Variants in NR3C2 observed in about 807,000 individuals in gnomAD.
NR3C2 encodes the protein nuclear receptor subfamily 3 group C member 2, also known as mineralocorticoid receptor.
NR3C2 carries 15 observed loss-of-function variants against 86.4 expected under a neutral mutation model. That is an observed-to-expected ratio of 0.17 (90% CI 0.12 to 0.27). The LOEUF (loss-of-function observed/expected upper bound fraction) is 0.27, where lower values mean the gene tolerates loss of function less well. NR3C2 is among the 10% of genes least tolerant of loss of function. The pLI is 1.00. For synonymous variants in NR3C2, 458 were observed against 450.5 expected (o/e 1.02, Z -0.21); for missense variants, 960 against 1,195.6 (o/e 0.80, Z 2.91).
chr4:148,342,131 T>C (rs1299596205), intron 2 of NR3C2, among the ~76,000 whole-genome samples: 1 of 152,122 alleles, frequency 6.6e-6, no homozygotes, highest in African/African-American at 2.4e-5. Flanking sequence ...GAGTTAATGA[T>C]ACAAAAGAAG....
At chr4:148,393,637 C>G (rs1747704955) in intron 2 of NR3C2, among the ~76,000 whole-genome samples, 1 of 152,126 alleles carries the variant, frequency 6.6e-6, no homozygotes, top group Admixed American at 6.5e-5. Context: ...CCGGTATTAC[C>G]AGGATTTCCA....
chr4:148,334,255 C>A (rs1744372684), intron 2 of NR3C2, among the ~76,000 whole-genome samples: 1 of 152,190 alleles, frequency 6.6e-6, no homozygotes, highest in Non-Finnish European at 1.5e-5. Flanking sequence ...AGAACTTACA[C>A]AAATGGACCA....
intron 2 of NR3C2, among the ~76,000 whole-genome samples, chr4:148,405,155 GAT>G (rs1748353581): frequency 1.3e-5 from 2 of 152,108 alleles, no homozygotes; most frequent in Admixed American, 6.6e-5. Context: ...GATGGAAATA[GAT>G]CATAACAATG....
At chr4:148,110,105 C>A (rs1328045337) in intron 8 of NR3C2, among the ~76,000 whole-genome samples, 1 of 152,216 alleles carries the variant, frequency 6.6e-6, no homozygotes, top group Non-Finnish European at 1.5e-5. Flanking sequence ...ACTACATTTA[C>A]TCCTAGTATC....
chr4:148,445,032 G>A (rs1376939090), upstream of NR3C2: 5 of 982,316 alleles, frequency 5.1e-6, no homozygotes, highest in Middle Eastern at 5.2e-4. Context: ...TCACGAGCGG[G>A]AGGAGGCGGC....
intron 2 of NR3C2, among the ~76,000 whole-genome samples, chr4:148,336,465 TGGATAAATGGGAACTTGGATAAATG>T (rs1744493540): frequency 6.6e-6 from 1 of 152,104 alleles, no homozygotes; most frequent in African/African-American, 2.4e-5. Flanking sequence ...TAGCCGAACT[TGGATAAATGGGAACTTGGATAAATG>T]GGATAAATGG....
At chr4:148,414,961 AAC>A (rs1490442436) in intron 2 of NR3C2, among the ~76,000 whole-genome samples, 2 of 152,242 alleles carry the variant, frequency 1.3e-5, no homozygotes, top group African/African-American at 4.8e-5. Context: ...GTATTTTTAA[AAC>A]AGTTTTTCAT....
intron 6 of NR3C2, among the ~76,000 whole-genome samples, chr4:148,147,454 A>G (rs1055335617): frequency 4.6e-5 from 7 of 152,216 alleles, no homozygotes; most frequent in African/African-American, 1.7e-4. Flanking sequence ...TGTTTGGTTC[A>G]TTTTTTCAAT....
At position 148,436,105 on chromosome 4, in the gene NR3C2, T is replaced by C; in HGVS notation, c.756A>G (p.Ala252=). The C allele has an allele frequency of 6.2e-7, 1 of 1,614,136 alleles. No individual in the cohort carries two copies. Among genetic ancestry groups the C allele is most frequent in the Admixed American group, 1.7e-5 (1 of 60,016 alleles). The stretch of plus-strand genomic sequence containing the variant: ...GAGGAGAGCCCACATTGCTAGCATG[T>C]GCAGGGCTGTGCGACCTGGAGCCTC... ...ENRGSRSHSP[A]HASNVGSPLS... Residue 252 remains alanine, a synonymous_variant, in exon 2 of 9, where the codon GCA becomes GCG. Transcript: ENST00000358102.
chr4:148,388,796 C>T (rs149707186), intron 2 of NR3C2, among the ~76,000 whole-genome samples: 1 of 152,214 alleles, frequency 6.6e-6, no homozygotes, highest in Non-Finnish European at 1.5e-5. Flanking sequence ...ACTCTTTAGT[C>T]GCAAGGCTTG....
At chr4:148,420,344 T>C (rs1268532285) in intron 2 of NR3C2, among the ~76,000 whole-genome samples, 4 of 152,168 alleles carry the variant, frequency 2.6e-5, no homozygotes, top group South Asian at 4.1e-4. Context: ...AGCCAAGAGA[T>C]TCTATTTTCT....
chr4:148,234,160 T>C (rs80141847), intron 3 of NR3C2, among the ~76,000 whole-genome samples: 2,190 of 152,336 alleles, frequency 0.014, 45 homozygotes, highest in African/African-American at 0.05. Context: ...GTTTCTGTCA[T>C]GCTAAGCATC....
At chr4:148,234,930 A>C (rs1385028795) in intron 3 of NR3C2, among the ~76,000 whole-genome samples, 1 of 152,142 alleles carries the variant, frequency 6.6e-6, no homozygotes, top group Non-Finnish European at 1.5e-5. Context: ...TTTAAAACTT[A>C]AACTAGAAAC....
chr4:148,348,467 T>C (rs1272665345), intron 2 of NR3C2, among the ~76,000 whole-genome samples: 1 of 152,176 alleles, frequency 6.6e-6, no homozygotes, highest in African/African-American at 2.4e-5. Context: ...TAAATGAAAG[T>C]CAGCTTTCCA....
intron 2 of NR3C2, among the ~76,000 whole-genome samples, chr4:148,377,207 G>A (rs1383111149): frequency 6.6e-6 from 1 of 152,174 alleles, no homozygotes; most frequent in East Asian, 1.9e-4. Context: ...GGAATGAGGG[G>A]ATGTGATTTG....
intron 2 of NR3C2, among the ~76,000 whole-genome samples, chr4:148,353,805 A>T (rs1232439054): frequency 6.6e-6 from 1 of 152,170 alleles, no homozygotes; most frequent in Non-Finnish European, 1.5e-5. Flanking sequence ...TACATGTTTT[A>T]TCAAGATTTT....
intron 2 of NR3C2, among the ~76,000 whole-genome samples, chr4:148,304,590 C>T (rs1296749463): frequency 6.6e-6 from 1 of 152,070 alleles, no homozygotes; most frequent in African/African-American, 2.4e-5. Context: ...CCCAAAACAG[C>T]ACCTTCTGTC....
intron 3 of NR3C2, among the ~76,000 whole-genome samples, chr4:148,221,513 T>C (rs1055330266): frequency 6.6e-6 from 1 of 152,254 alleles, no homozygotes; most frequent in Non-Finnish European, 1.5e-5. Flanking sequence ...TTTCTATTTA[T>C]CAAGACTAGA....
At chr4:148,258,820 A>G (rs768127085) in intron 3 of NR3C2, among the ~76,000 whole-genome samples, 6 of 152,216 alleles carry the variant, frequency 3.9e-5, no homozygotes, top group African/African-American at 7.2e-5. Context: ...ATGTGAGCCA[A>G]TGAATTTCCA....
Sources: allele counts gnomAD v4.1 joint callset (sites outside exome capture counted in the v4.1 genomes callset), GRCh38; gene constraint gnomAD v4.1.1; transcripts MANE v1.5; gene names NCBI Gene and HGNC (gene_info 2026-07-23, HGNC 2026-07-21).